KLHL29: variants seen among roughly 807,000 people sequenced by gnomAD.
KLHL29 encodes kelch like family member 29, also known as kelch-like protein 29.
In KLHL29, 21 loss-of-function variants were observed where a neutral mutation model predicts 80.4. The observed-to-expected ratio is 0.26, with a 90% confidence interval of 0.19 to 0.38. The LOEUF is 0.38. Among genes scored for constraint, KLHL29 ranks in the 10% least tolerant of loss-of-function variants. The probability of loss-of-function intolerance (pLI) is 1.00; values close to 1 mark genes in which losing one functional copy is unlikely to be tolerated. For synonymous variants in KLHL29, 511 were observed against 526.8 expected, an observed-to-expected ratio of 0.97 and a Z score of 0.41; for missense variants, 867 against 1,223.9, an observed-to-expected ratio of 0.71 and a Z score of 4.35.
chr2:23,532,710 A>G (rs1483959703), intron 2 of KLHL29: 1 of 452,930 alleles, frequency 2.2e-6, no homozygotes, highest in Non-Finnish European at 4.4e-6. Flanking sequence ...GGTGGGTGTC[A>G]GGTGGGAGGA....
At chr2:23,572,017 G>A (rs542051238) in intron 3 of KLHL29, among the ~76,000 whole-genome samples, 5 of 152,192 alleles carry the variant, frequency 3.3e-5, no homozygotes, top group South Asian at 2.1e-4. Context: ...CATTCATCCC[G>A]GCACTCGCTG....
chr2:23,602,877 C>T (rs934994623), intron 3 of KLHL29, among the ~76,000 whole-genome samples: 1 of 152,166 alleles, frequency 6.6e-6, no homozygotes, highest in Non-Finnish European at 1.5e-5. Context: ...CCCATTGGCT[C>T]AGTGAGATCA....
rs1164075132 is a variant in KLHL29, at chr2:23,461,975, C to CTTTTTTTTTTTTT, written c.-153-13585_-153-13584insTTTTTTTTTTTTT. 4.4e-4 allele frequency among the ~76,000 whole-genome samples: 35 copies of CTTTTTTTTTTTTT among 79,528 alleles called. 2 individuals are homozygous for CTTTTTTTTTTTTT. Among genetic ancestry groups the CTTTTTTTTTTTTT allele is most frequent in the African/African-American group, 1.1e-3 (25 of 23,092 alleles). 52.2% of individuals were successfully genotyped at this position (79,528 alleles called of 152,430 possible). A position where few individuals can be genotyped will look rare whatever the true frequency, so the allele number is the denominator to read the frequency against. On this transcript the variant is annotated intron_variant, in intron 1 of 13. Coordinates refer to ENST00000486442, the MANE Select transcript of KLHL29 (RefSeq NM_052920.2). ...GTGCAAAAGTAATTGCGGTTTTTGC[C>CTTTTTTTTTTTTT]ATTTTTTTTTTTTTAATGACAAAAA...
At chr2:23,408,694 G>GGC (rs1451547489) in intron 1 of KLHL29, among the ~76,000 whole-genome samples, 1 of 152,192 alleles carries the variant, frequency 6.6e-6, no homozygotes, top group Non-Finnish European at 1.5e-5. Flanking sequence ...CTTCAAACAT[G>GGC]TTGAATATTG....
At chr2:23,589,196 C>T (rs1294392081) in intron 3 of KLHL29, among the ~76,000 whole-genome samples, 1 of 152,256 alleles carries the variant, frequency 6.6e-6, no homozygotes, top group African/African-American at 2.4e-5. Context: ...CGTTCCTGGG[C>T]TTGTGCCTTG....
intron 3 of KLHL29, among the ~76,000 whole-genome samples, chr2:23,567,922 G>A (rs373002679): frequency 1.6e-4 from 24 of 152,332 alleles, no homozygotes; most frequent in African/African-American, 5.8e-4. Context: ...CACATTGTGA[G>A]ATAACACAAC....
chr2:23,662,649 A>T (rs1670444280), intron 5 of KLHL29, among the ~76,000 whole-genome samples: 1 of 151,910 alleles, frequency 6.6e-6, no homozygotes, highest in East Asian at 1.9e-4. Context: ...CCACTTCCAG[A>T]TCCCCCTGGG....
At chr2:23,516,488 C>T (rs993663355) in intron 2 of KLHL29, among the ~76,000 whole-genome samples, 2 of 152,208 alleles carry the variant, frequency 1.3e-5, no homozygotes, top group African/African-American at 2.4e-5. Flanking sequence ...TCCTCTTCCC[C>T]TGCACACAGC....
intron 1 of KLHL29, among the ~76,000 whole-genome samples, chr2:23,453,309 G>A (rs1325723271): frequency 2.0e-5 from 3 of 152,244 alleles, no homozygotes; most frequent in Non-Finnish European, 4.4e-5. Flanking sequence ...TTCTGCCCGG[G>A]AACTACCTGT....
chr2:23,562,383 C>T lies in KLHL29; in HGVS notation c.187C>T (p.Leu63=), dbSNP rs1032138233. 7.1e-6 allele frequency: 11 copies of T among 1,539,526 alleles called. No individual in the cohort carries two copies. The African/African-American group carries it at 8.2e-5, about 12-fold the overall frequency. ...LLPLPVVPSR[L]PTPATAPAPC... is the part of the protein sequence containing the mutation. Reference sequence around the variant, plus strand: ...GCCGCTGCCCGTGGTGCCCTCCCGGCTGCCCACCCCGGCTACAGCTCCTGC... The same window carrying T: ...GCCGCTGCCCGTGGTGCCCTCCCGGTTGCCCACCCCGGCTACAGCTCCTGC... Residue 63 remains leucine, a synonymous_variant, in exon 3 of 14, where the codon CTG becomes TTG. Coordinates refer to ENST00000486442, the MANE Select transcript of KLHL29 (RefSeq NM_052920.2). The surrounding 1 kb of genome is among the most constrained non-coding windows in gnomAD (Gnocchi z 4.5).
At chr2:23,662,372 G>T (rs1051055364) in intron 5 of KLHL29, among the ~76,000 whole-genome samples, 23 of 152,326 alleles carry the variant, frequency 1.5e-4, no homozygotes, top group African/African-American at 5.3e-4. Flanking sequence ...GCCACGTCGT[G>T]TTCTGAGCAG....
In KLHL29 at chr2:23,605,107, C is replaced by CTTTTTT. The variant is rs386389703; in HGVS notation, c.286-34015_286-34010dup. On this transcript the variant is annotated intron_variant, in intron 3 of 13. Coordinates refer to ENST00000486442, the MANE Select transcript of KLHL29 (RefSeq NM_052920.2). ...TGGCCCTGTTCTTTTTCCTTTGTTG[C>CTTTTTT]TTTTTTTTTTTTTTTTTTTTTTGGA... 1.3e-3 allele frequency among the ~76,000 whole-genome samples: 119 copies of CTTTTTT among 92,444 alleles called. 3 individuals are homozygous for CTTTTTT. Among genetic ancestry groups the CTTTTTT allele is most frequent in the South Asian group, 2.7e-3 (6 of 2,202 alleles). The allele number at this position is 92,444 out of a possible 152,430, so 60.6% of individuals were successfully genotyped here.
chr2:23,670,902 T>C (rs1470538481), intron 5 of KLHL29, among the ~76,000 whole-genome samples: 1 of 93,932 alleles, frequency 1.1e-5, no homozygotes, highest in South Asian at 4.0e-4. Flanking sequence ...GAGGGGTCTC[T>C]ACACACATGC....
rs539607729 is a variant in KLHL29 at position 23,385,526 on chromosome 2, C to A, written c.-408C>A. Reference sequence around the variant, plus strand: ...CGCACAGGCTGACAGGCAGGAGGACCGACTTCCCTCTCCCGGGCATCCTCC... The same window carrying A: ...CGCACAGGCTGACAGGCAGGAGGACAGACTTCCCTCTCCCGGGCATCCTCC... On this transcript the variant is annotated 5_prime_UTR_variant, in exon 1 of 14. Transcript: ENST00000486442. 7 of 169,352 alleles carry A rather than the reference C, an allele frequency of 4.1e-5. No individual in the cohort carries two copies. Among genetic ancestry groups the A allele is most frequent in the South Asian group, 1.8e-4 (1 of 5,664 alleles). The allele number at this position is 169,352 out of a possible 1,614,324, so 10.5% of individuals were successfully genotyped here. A position where few individuals can be genotyped will look rare whatever the true frequency, so the allele number is the denominator to read the frequency against.
intron 2 of KLHL29, among the ~76,000 whole-genome samples, chr2:23,484,281 T>G (rs1664872963): frequency 6.6e-6 from 1 of 152,192 alleles, no homozygotes; most frequent in African/African-American, 2.4e-5. Flanking sequence ...TGGGGAGATT[T>G]CAGCCTCACA....
chr2:23,405,721 T>G (rs1478121525), intron 1 of KLHL29, among the ~76,000 whole-genome samples: 2 of 152,116 alleles, frequency 1.3e-5, no homozygotes, highest in Non-Finnish European at 2.9e-5. Flanking sequence ...CTAGGATACT[T>G]GGTAAGGAGC....
chr2:23,586,653 G>A (rs1182633906), intron 3 of KLHL29, among the ~76,000 whole-genome samples: 4 of 152,042 alleles, frequency 2.6e-5, no homozygotes, highest in East Asian at 3.9e-4. Flanking sequence ...GAGCCACCGC[G>A]CCCGGCCAGC....
At chr2:23,400,395 T>G (rs760123236) in intron 1 of KLHL29, among the ~76,000 whole-genome samples, 4 of 152,206 alleles carry the variant, frequency 2.6e-5, no homozygotes, top group Non-Finnish European at 2.9e-5. Context: ...AGCTTTTCCA[T>G]CTTTCCAGTG....
In KLHL29 at chr2:23,581,739, A is replaced by G. The variant is rs570290447; in HGVS notation, c.285+19258A>G. On this transcript the variant is annotated intron_variant, in intron 3 of 13. Coordinates refer to ENST00000486442, the MANE Select transcript of KLHL29 (RefSeq NM_052920.2). ...GCTACTTGGGAGGCTGAGGCAGGAG[A>G]ATCGCTTGAACCCGGGAGGTGGAGG... is the stretch of plus-strand genomic sequence containing the variant. Among the ~76,000 whole-genome samples, 3 of 144,156 alleles carry G rather than the reference A, an allele frequency of 2.1e-5. No individual in the cohort carries two copies. The South Asian group carries it at 6.7e-4, about 32-fold the overall frequency. 94.6% of individuals were successfully genotyped at this position (144,156 alleles called of 152,430 possible).
Sources: gnomAD v4.1 joint callset for allele counts (sites outside exome capture counted in the v4.1 genomes callset) on GRCh38, gnomAD v4.1.1 for gene constraint, Gnocchi (gnomAD v3.1) non-coding constraint, MANE v1.5 for transcripts, NCBI Gene and HGNC (gene_info 2026-07-23, HGNC 2026-07-21) for gene names.